Variants in CPB2 observed in about 807,000 individuals in gnomAD.
CPB2 encodes the protein carboxypeptidase B-like protein.
Under a neutral mutation model 57.0 loss-of-function variants are expected in CPB2, and 54 were observed. That is an observed-to-expected ratio of 0.95 (90% confidence interval 0.76 to 1.19). CPB2 has a LOEUF of 1.19. CPB2 is among the 50% of genes most tolerant of loss of function. The pLI, the probability that CPB2 is intolerant of heterozygous loss-of-function variation, is 0.00. For synonymous variants in CPB2, 189 were observed against 178.1 expected, an observed-to-expected ratio of 1.06 and a Z score of -0.49; for missense variants, 426 against 512.0, an observed-to-expected ratio of 0.83 and a Z score of 1.62.
chr13:46,084,826 T>TTTTA (rs765454230), intron 2 of CPB2, among the ~76,000 whole-genome samples: 239 of 151,336 alleles, frequency 1.6e-3, no homozygotes, highest in African/African-American at 5.2e-3. Context: ...TTAATGTGCT[T>TTTTA]TTTATTTATT....
At chr13:46,073,348 A>G (rs2044971502) in intron 6 of CPB2, 1 of 266,638 alleles carries the variant, frequency 3.8e-6, no homozygotes, top group African/African-American at 2.3e-5. Flanking sequence ...TACTTTTCCA[A>G]CATACAGTTT....
At chr13:46,098,766 C>T (rs1321629634) in intron 1 of CPB2, 2 of 152,326 alleles carry the variant, frequency 1.3e-5, no homozygotes, top group Admixed American at 1.3e-4. Flanking sequence ...AGCCTCAAGG[C>T]TCTCCACAGG....
chr13:46,083,246 C>T (rs2045148008), intron 3 of CPB2, among the ~76,000 whole-genome samples: 1 of 152,102 alleles, frequency 6.6e-6, no homozygotes, highest in African/African-American at 2.4e-5. Context: ...AAGTTCGACT[C>T]CTAACTCTGC....
At chr13:46,070,027 A>G (rs1051759213) in intron 6 of CPB2, among the ~76,000 whole-genome samples, 3 of 152,230 alleles carry the variant, frequency 2.0e-5, no homozygotes, top group Non-Finnish European at 4.4e-5. Flanking sequence ...TTGGTCTGCA[A>G]TATACAATGA....
At position 46,076,911 on chromosome 13, in the gene CPB2, C is replaced by T. The variant is rs187893463; in HGVS notation, c.486+1889G>A. 4.1e-3 allele frequency among the ~76,000 whole-genome samples: 628 copies of T among 152,178 alleles called. 3 individuals carry two copies. The highest frequency in any genetic ancestry group is 5.6e-3 in the Non-Finnish European group (382 of 67,976). ...ATTCAAACTAAATGCCTATCTCTCGCCTTATATATAAAATCAACTAAAAAC... is the reference window on the plus strand; with the variant it reads ...ATTCAAACTAAATGCCTATCTCTCGTCTTATATATAAAATCAACTAAAAAC... On this transcript the variant is annotated intron_variant, in intron 5 of 10. Coordinates refer to ENST00000181383, the MANE Select transcript of CPB2 (RefSeq NM_001872.5).
intron 5 of CPB2, among the ~76,000 whole-genome samples, chr13:46,074,587 A>G (rs1234678358): frequency 6.6e-6 from 1 of 152,216 alleles, no homozygotes; most frequent in Non-Finnish European, 1.5e-5. Flanking sequence ...CCTTTTCTCA[A>G]TAATAGCCTT....
chr13:46,095,077 T>C (rs1014995570), intron 1 of CPB2: 6 of 152,182 alleles, frequency 3.9e-5, no homozygotes, highest in Non-Finnish European at 7.3e-5. Context: ...ACTATCCAAG[T>C]TGATTTTGAA....
chr13:46,096,065 A>G (rs2045362120), intron 1 of CPB2, among the ~76,000 whole-genome samples: 1 of 151,384 alleles, frequency 6.6e-6, no homozygotes, highest in African/African-American at 2.4e-5. Context: ...ATTTTTAGTA[A>G]AAACGGGGAT....
chr13:46,061,378 C>T (rs2044770454), intron 8 of CPB2, among the ~76,000 whole-genome samples: 1 of 152,168 alleles, frequency 6.6e-6, no homozygotes, highest in Non-Finnish European at 1.5e-5. Context: ...CTGTTATGAA[C>T]TGAATTGCAT....
intron 1 of CPB2, among the ~76,000 whole-genome samples, chr13:46,094,214 G>T (rs566375828): frequency 6.6e-6 from 1 of 152,214 alleles, no homozygotes; most frequent in South Asian, 2.1e-4. Context: ...TTTTATTCTA[G>T]TGTGCTCTAT....
intron 8 of CPB2, among the ~76,000 whole-genome samples, chr13:46,063,477 A>T (rs900472546): frequency 1.3e-5 from 2 of 152,158 alleles, no homozygotes; most frequent in Non-Finnish European, 2.9e-5. Flanking sequence ...AGCTGCATCC[A>T]TGTTGCTGTA....
intron 2 of CPB2, among the ~76,000 whole-genome samples, chr13:46,087,544 G>A (rs1471106354): frequency 6.6e-6 from 1 of 152,176 alleles, no homozygotes; most frequent in African/African-American, 2.4e-5. Flanking sequence ...TATGAAATTG[G>A]CTGGAAAGCC....
rs140871119 is a variant in CPB2 at position 46,082,476 on chromosome 13, C to A, written c.349G>T (p.Ala117Ser). 1.9e-6 allele frequency: 3 copies of A among 1,613,076 alleles called. No homozygotes were observed. The East Asian group carries it at 6.7e-5, about 36-fold the overall frequency. ...GAGTGATACTGTTCATAGTACGATG[C>A]GGAGGCTCGGGGGCTGACTGTGTCG... is the stretch of plus-strand genomic sequence containing the variant. Reference protein sequence around the residue: ...SNDTVSPRASASYYEQYHSLN... With the variant: ...SNDTVSPRASSSYYEQYHSLN... The change falls in exon 4 of 11, where the codon GCA (alanine) becomes TCA (serine). Residue 117 changes from alanine (A) to serine (S), a missense_variant. Ala to Ser is a moderately conservative substitution (Grantham distance 99). Coordinates refer to ENST00000181383, the MANE Select transcript of CPB2 (RefSeq NM_001872.5).
At chr13:46,078,273 T>C (rs1566407690) in intron 5 of CPB2, among the ~76,000 whole-genome samples, 1 of 152,212 alleles carries the variant, frequency 6.6e-6, no homozygotes, top group Non-Finnish European at 1.5e-5. Context: ...ATTTTTAATT[T>C]TATTTTTTCA....
chr13:46,064,831 T>C (rs1296122743), intron 7 of CPB2, 90 bp from the exon 8 acceptor site: 4 of 992,594 alleles, frequency 4.0e-6, no homozygotes, highest in Admixed American at 3.8e-5. Context: ...GAAGCCAGAA[T>C]TGCCTTTCTC....
In CPB2 at chr13:46,053,552, G is replaced by T. The variant is rs2044615901; in HGVS notation, c.*62C>A. On this transcript the variant is annotated 3_prime_UTR_variant, in exon 11 of 11. Transcript: ENST00000181383. ...AAACTTAAAAATAATTTGATACAAT[G>T]ATTTGGTCTTGCTGGAATCAGTAAA... 6.4e-7 allele frequency: 1 copy of T among 1,568,402 alleles called. No individual in the cohort carries two copies. Among genetic ancestry groups the T allele is most frequent in the Admixed American group, 1.9e-5 (1 of 52,474 alleles).
chr13:46,096,027 C>T (rs903156654), intron 1 of CPB2, among the ~76,000 whole-genome samples: 6 of 151,694 alleles, frequency 4.0e-5, no homozygotes, highest in African/African-American at 9.7e-5. Flanking sequence ...ATTACAGGCA[C>T]GCACCACCAC....
intron 3 of CPB2, among the ~76,000 whole-genome samples, chr13:46,082,777 A>G (rs943617612): frequency 6.6e-6 from 1 of 152,180 alleles, no homozygotes; most frequent in African/African-American, 2.4e-5. Flanking sequence ...CCTATTAGGT[A>G]TACTTTCAGG....
intron 4 of CPB2, among the ~76,000 whole-genome samples, chr13:46,080,832 C>T (rs17844211): frequency 4.6e-5 from 7 of 151,862 alleles, no homozygotes; most frequent in Non-Finnish European, 8.8e-5. Flanking sequence ...ATTAGCTGAG[C>T]GTGGTGGTAT....
Sources: gnomAD v4.1 joint callset for allele counts (sites outside exome capture counted in the v4.1 genomes callset) on GRCh38, gnomAD v4.1.1 for gene constraint, MANE v1.5 for transcripts, NCBI Gene and HGNC (gene_info 2026-07-23, HGNC 2026-07-21) for gene names.